Variants in ADAMTSL1 observed in about 807,000 individuals in gnomAD.
ADAMTSL1 encodes the protein ADAMTS like 1, also known as ADAMTS-like protein 1.
Under a neutral mutation model 201.8 loss-of-function variants are expected in ADAMTSL1, and 126 were observed. The observed-to-expected ratio is 0.62, with a 90% CI of 0.54 to 0.72. The LOEUF is 0.72. Ranked by LOEUF, ADAMTSL1 falls within the 30% of genes least tolerant of loss-of-function variation. The probability of loss-of-function intolerance (pLI) is 0.00; values close to 1 mark genes in which losing one functional copy is unlikely to be tolerated. For synonymous variants in ADAMTSL1, 1,121 were observed against 903.4 expected (o/e 1.24, Z -4.32); for missense variants, 2,679 against 2,277.8 (o/e 1.18, Z -3.59).
At chr9:18,826,171 C>G (rs1824542187) in intron 21 of ADAMTSL1, 113 bp from the exon 22 acceptor site, 4 of 1,282,576 alleles carry the variant, frequency 3.1e-6, no homozygotes, top group Non-Finnish European at 4.4e-6. Flanking sequence ...AGAAGATGTC[C>G]CTGTAGAGCA....
At chr9:18,007,596 C>T (rs529685254) in intron 1 of ADAMTSL1, among the ~76,000 whole-genome samples, 4 of 152,066 alleles carry the variant, frequency 2.6e-5, no homozygotes, top group Admixed American at 6.6e-5. Flanking sequence ...ATTAGATAAG[C>T]CCCAGAGTGC....
intron 23 of ADAMTSL1, among the ~76,000 whole-genome samples, chr9:18,859,745 C>T (rs1294567131): frequency 5.3e-5 from 8 of 151,998 alleles, no homozygotes; most frequent in Middle Eastern, 3.2e-3. Flanking sequence ...TTCACCACAG[C>T]GTAGTTTATA....
At chr9:18,221,638 G>A (rs1563817002) in intron 2 of ADAMTSL1, among the ~76,000 whole-genome samples, 1 of 151,916 alleles carries the variant, frequency 6.6e-6, no homozygotes, top group South Asian at 2.1e-4. Context: ...TTATAATTTA[G>A]TTCTACGTAT....
At chr9:18,626,708 C>T (rs1470784144) in intron 5 of ADAMTSL1, among the ~76,000 whole-genome samples, 3 of 152,196 alleles carry the variant, frequency 2.0e-5, no homozygotes, top group Non-Finnish European at 4.4e-5. Flanking sequence ...AGATATTACA[C>T]TAAGCCAGGC....
chr9:18,135,604 A>G (rs1357646276), intron 1 of ADAMTSL1, among the ~76,000 whole-genome samples: 2 of 152,090 alleles, frequency 1.3e-5, no homozygotes, highest in Non-Finnish European at 2.9e-5. Flanking sequence ...AGGCCAGCCT[A>G]GGCAATGTAG....
intron 26 of ADAMTSL1, among the ~76,000 whole-genome samples, chr9:18,893,218 G>A (rs1829402601): frequency 6.6e-6 from 1 of 151,944 alleles, no homozygotes; most frequent in Non-Finnish European, 1.5e-5. Context: ...CTTCTCATAG[G>A]TCACATTCAT....
At chr9:18,813,531 A>G (rs1045640714) in intron 20 of ADAMTSL1, among the ~76,000 whole-genome samples, 2 of 152,172 alleles carry the variant, frequency 1.3e-5, no homozygotes, top group African/African-American at 2.4e-5. Flanking sequence ...CAGTGTAGAC[A>G]TATTTCACCT....
intron 1 of ADAMTSL1, among the ~76,000 whole-genome samples, chr9:18,503,184 A>T (rs1355044758): frequency 6.6e-6 from 1 of 151,738 alleles, no homozygotes. Flanking sequence ...GAAATTCTGC[A>T]TCCATAAAAC....
chr9:18,612,154 T>C (rs547205672), intron 4 of ADAMTSL1, among the ~76,000 whole-genome samples: 1 of 152,280 alleles, frequency 6.6e-6, no homozygotes, highest in Admixed American at 6.5e-5. Context: ...ATAATGAGCA[T>C]TTATGCCCCA....
chr9:18,186,687 G>A (rs1429549931), intron 2 of ADAMTSL1, among the ~76,000 whole-genome samples: 1 of 152,092 alleles, frequency 6.6e-6, no homozygotes, highest in African/African-American at 2.4e-5. Flanking sequence ...GTTTGAGCGG[G>A]ATCTCTTTCT....
rs548825076 is a variant in ADAMTSL1, at chr9:18,264,835, C to T, written c.207+100854C>T. Among the ~76,000 whole-genome samples, 19 of 152,296 alleles carry T rather than the reference C, an allele frequency of 1.2e-4. 1 individual carries two copies. The South Asian group carries it at 3.7e-3, about 30-fold the overall frequency. On this transcript the variant is annotated intron_variant, in intron 2 of 29. Coordinates refer to the ADAMTSL1 transcript ENST00000680146. ...TGGAGGCTCTGGACTCAGATTTAGA[C>T]TGCATAGACTTAAGTTCTGGCTTCA...
At chr9:18,837,965 G>C (rs1825422121) in intron 23 of ADAMTSL1, among the ~76,000 whole-genome samples, 2 of 152,032 alleles carry the variant, frequency 1.3e-5, no homozygotes, top group Admixed American at 6.6e-5. Context: ...CCTGTCACTG[G>C]CTTAGGCCTC....
At chr9:18,078,687 G>A (rs1039509034) in intron 1 of ADAMTSL1, among the ~76,000 whole-genome samples, 16 of 152,112 alleles carry the variant, frequency 1.1e-4, no homozygotes, top group African/African-American at 3.9e-4. Flanking sequence ...GTAACCCCTA[G>A]GATGTAGGCA....
At chr9:18,187,799 A>T (rs1828804402) in intron 2 of ADAMTSL1, among the ~76,000 whole-genome samples, 1 of 152,160 alleles carries the variant, frequency 6.6e-6, no homozygotes, top group Non-Finnish European at 1.5e-5. Flanking sequence ...CTTACAGTTC[A>T]CTTGGACTTC....
At position 18,826,414 on chromosome 9, in the gene ADAMTSL1, G is replaced by A. The variant is rs368126265; in HGVS notation, c.4065G>A (p.Ala1355=). ...ATCAGGGCCTGTACTCCTGCAGGGCGGCCAATCTTCATGGAGAGCTGACTG... is the reference window on the plus strand; with the variant it reads ...ATCAGGGCCTGTACTCCTGCAGGGCAGCCAATCTTCATGGAGAGCTGACTG... ...SSDQGLYSCR[A]ANLHGELTES... The change falls in exon 22 of 29, where the codon GCG becomes GCA. Residue 1355 remains alanine, a synonymous_variant. Transcript: ENST00000380548. The A allele has an allele frequency of 2.4e-5, 39 of 1,613,694 alleles. No homozygotes were observed. The highest frequency in any genetic ancestry group is 2.2e-4 in the Admixed American group (13 of 59,982).
intron 2 of ADAMTSL1, among the ~76,000 whole-genome samples, chr9:18,267,590 G>A (rs965987017): frequency 2.0e-5 from 3 of 152,224 alleles, no homozygotes; most frequent in East Asian, 3.9e-4. Flanking sequence ...TAAGAGGAAA[G>A]CACTCTACGA....
At chr9:18,201,568 C>G (rs1235223592) in intron 2 of ADAMTSL1, among the ~76,000 whole-genome samples, 1 of 151,960 alleles carries the variant, frequency 6.6e-6, no homozygotes, top group African/African-American at 2.4e-5. Context: ...TTAGAAGGAG[C>G]AATGGGTTAA....
chr9:18,096,297 G>A (rs72699409), intron 1 of ADAMTSL1, among the ~76,000 whole-genome samples: 5,541 of 152,186 alleles, frequency 0.036, 368 homozygotes, highest in East Asian at 0.35. Flanking sequence ...AGTAATTACC[G>A]TATTCCCTTC....
At chr9:18,599,370 AC>A (rs1695454057) in intron 4 of ADAMTSL1, among the ~76,000 whole-genome samples, 1 of 152,182 alleles carries the variant, frequency 6.6e-6, no homozygotes, top group Non-Finnish European at 1.5e-5. Flanking sequence ...GTGCCTTGGG[AC>A]AGGCATGGGC....
Sources: gnomAD v4.1 joint callset for allele counts (sites outside exome capture counted in the v4.1 genomes callset) on GRCh38, gnomAD v4.1.1 for gene constraint, MANE v1.5 for transcripts, NCBI Gene and HGNC (gene_info 2026-07-23, HGNC 2026-07-21) for gene names.